Variants in IL1RAPL2 observed in about 807,000 individuals in gnomAD.
IL1RAPL2 encodes the protein X-linked interleukin-1 receptor accessory protein-like 2.
In IL1RAPL2, 3 loss-of-function variants were observed where a neutral mutation model predicts 44.1. That is an observed-to-expected ratio of 0.07 (90% CI 0.03 to 0.18). IL1RAPL2 has a LOEUF of 0.18. Among genes scored for constraint, IL1RAPL2 ranks in the 10% least tolerant of loss-of-function variants. The pLI is 1.00. For synonymous variants in IL1RAPL2, 181 were observed against 178.8 expected (o/e 1.01, Z -0.10); for missense variants, 391 against 496.4 (o/e 0.79, Z 2.02).
chrX:105,382,713 A>G (rs1170745043), intron 5 of IL1RAPL2, among the ~76,000 whole-genome samples: 1 of 103,067 alleles, frequency 9.7e-6, no homozygotes, highest in East Asian at 2.9e-4. Flanking sequence ...AAGACTTGGA[A>G]CCAACCCAAA....
intron 6 of IL1RAPL2, among the ~76,000 whole-genome samples, chrX:105,491,139 T>C (rs1602435955): frequency 8.9e-6 from 1 of 112,321 alleles, no homozygotes; most frequent in Non-Finnish European, 1.9e-5. Context: ...TGAAATAAAA[T>C]GAACAATCCA....
chrX:104,643,727 A>G (rs754435433), intron 1 of IL1RAPL2, among the ~76,000 whole-genome samples: 1 of 111,291 alleles, frequency 9.0e-6, no homozygotes, highest in Non-Finnish European at 1.9e-5. Flanking sequence ...TCTTTTGCCT[A>G]AGTGTAACTT....
chrX:105,432,061 T>G (rs1206595336), intron 5 of IL1RAPL2, among the ~76,000 whole-genome samples: 1 of 107,835 alleles, frequency 9.3e-6, no homozygotes, highest in East Asian at 3.0e-4. Context: ...CTTCTTGTTC[T>G]AAGATTTCAG....
chrX:105,013,293 A>C lies in IL1RAPL2; in HGVS notation c.83-182182A>C, dbSNP rs182073391. Among the ~76,000 whole-genome samples the C allele has an allele frequency of 3.1e-4, 34 of 110,799 alleles. No individual in the cohort carries two copies. In the East Asian group the frequency reaches 6.1e-3, roughly 20 times the overall value. Reference sequence around the variant, plus strand: ...GAGTGAGATCTCTGGCTTGAGTTCCATTCCTTTTGTGCTTCTAGCTATGCC... The same window carrying C: ...GAGTGAGATCTCTGGCTTGAGTTCCCTTCCTTTTGTGCTTCTAGCTATGCC... On this transcript the variant is annotated intron_variant, in intron 2 of 10. Transcript: ENST00000372582.
chrX:105,622,955 C>T (rs1484906564), intron 6 of IL1RAPL2, among the ~76,000 whole-genome samples: 2 of 110,975 alleles, frequency 1.8e-5, no homozygotes, highest in African/African-American at 6.5e-5. Context: ...TGTTTTAAAA[C>T]CTTCTGTCTT....
At position 105,714,155 on chromosome X, in the gene IL1RAPL2, C is replaced by T. The variant is rs1326806618; in HGVS notation, c.773-3212C>T. On this transcript the variant is annotated intron_variant, in intron 6 of 10. Coordinates refer to ENST00000372582, the MANE Select transcript of IL1RAPL2 (RefSeq NM_017416.2). ...GTTTTCAGTACCTTGTTTCTCATTT[C>T]TTTCTGATACCTCATCACAGTTGCC... 3.6e-5 allele frequency among the ~76,000 whole-genome samples: 4 copies of T among 111,669 alleles called. No individual in the cohort carries two copies. The Admixed American group carries it at 3.8e-4, about 11-fold the overall frequency.
In IL1RAPL2 at chrX:105,729,923, G is replaced by A. The variant is rs186987499; in HGVS notation, c.903-10623G>A. Among the ~76,000 whole-genome samples the A allele has an allele frequency of 7.1e-3, 238 of 33,751 alleles. 1 individual carries two copies. The highest frequency in any genetic ancestry group is 0.013 in the African/African-American group (125 of 9,736). 29.3% of individuals were successfully genotyped at this position (33,751 alleles called of 115,157 possible). ...AAGGAAGGAAGGAAGGAAGGAAGGA[G>A]GGAGGGAGGGAGGGAAGGAAGGAAG... On this transcript the variant is annotated intron_variant, in intron 7 of 10. Transcript: ENST00000372582.
rs140479162 is a variant in IL1RAPL2, at chrX:104,979,502, G to C, written c.83-215973G>C. ...CAAATATATAAAAGGGGAAATTCTG[G>C]GAAATATTTTGCAATACATGACAGA... On this transcript the variant is annotated intron_variant, in intron 2 of 10. Coordinates refer to ENST00000372582, the MANE Select transcript of IL1RAPL2 (RefSeq NM_017416.2). Among the ~76,000 whole-genome samples the C allele has an allele frequency of 5.8e-3, 641 of 111,083 alleles. 3 individuals carry two copies. Among genetic ancestry groups the C allele is most frequent in the African/African-American group, 0.02 (611 of 30,709 alleles).
chrX:105,036,815 G>C (rs2031637897), intron 2 of IL1RAPL2, among the ~76,000 whole-genome samples: 1 of 111,880 alleles, frequency 8.9e-6, no homozygotes, highest in Admixed American at 9.5e-5. Context: ...TGCTTTTGGA[G>C]ATATTGCAGC....
At chrX:105,678,693 G>A (rs2037895589) in intron 6 of IL1RAPL2, among the ~76,000 whole-genome samples, 1 of 110,587 alleles carries the variant, frequency 9.0e-6, no homozygotes, top group Non-Finnish European at 1.9e-5. Flanking sequence ...GGAGTCAATA[G>A]GGTAATAGCC....
chrX:104,991,170 T>C (rs189306067), intron 2 of IL1RAPL2, among the ~76,000 whole-genome samples: 325 of 111,715 alleles, frequency 2.9e-3, no homozygotes, highest in African/African-American at 0.01. Context: ...TTTTAGTCTT[T>C]AGACACACTA....
At chrX:104,605,216 C>T (rs1444905320) in intron 1 of IL1RAPL2, among the ~76,000 whole-genome samples, 1 of 111,659 alleles carries the variant, frequency 9.0e-6, no homozygotes, top group Non-Finnish European at 1.9e-5. Flanking sequence ...TCCTGAATGA[C>T]TACTGGGTAA....
chrX:104,646,916 G>A (rs1930052237), intron 1 of IL1RAPL2, among the ~76,000 whole-genome samples: 1 of 111,793 alleles, frequency 8.9e-6, no homozygotes, highest in Non-Finnish European at 1.9e-5. Context: ...TAAGTATTTT[G>A]AGAACAGAGT....
At chrX:105,605,726 G>A (rs1470032582) in intron 6 of IL1RAPL2, among the ~76,000 whole-genome samples, 1 of 111,576 alleles carries the variant, frequency 9.0e-6, no homozygotes, top group Non-Finnish European at 1.9e-5. Context: ...AACCAAAACA[G>A]CATGGTGCCA....
chrX:104,603,323 A>G (rs1011335208), intron 1 of IL1RAPL2, among the ~76,000 whole-genome samples: 3 of 111,853 alleles, frequency 2.7e-5, no homozygotes, highest in African/African-American at 9.7e-5. Flanking sequence ...GACCAAAGGT[A>G]GATAAATCCA....
At chrX:105,277,776 C>G (rs1269698740) in intron 5 of IL1RAPL2, among the ~76,000 whole-genome samples, 4 of 110,009 alleles carry the variant, frequency 3.6e-5, no homozygotes, top group African/African-American at 1.3e-4. Context: ...CTGCTTGTTC[C>G]TTCTAGAAAC....
intron 2 of IL1RAPL2, among the ~76,000 whole-genome samples, chrX:105,117,426 G>T (rs1400660464): frequency 8.9e-6 from 1 of 111,902 alleles, no homozygotes; most frequent in African/African-American, 3.3e-5. Context: ...CAAACAAGTT[G>T]CTTTCCCAGA....
intron 2 of IL1RAPL2, among the ~76,000 whole-genome samples, chrX:104,897,257 C>G (rs1194560379): frequency 8.9e-6 from 1 of 112,023 alleles, no homozygotes; most frequent in African/African-American, 3.2e-5. Context: ...TTCACACATG[C>G]TCCTGGAGCC....
chrX:105,598,654 TTTG>T (rs1192871754), intron 6 of IL1RAPL2, among the ~76,000 whole-genome samples: 5 of 111,433 alleles, frequency 4.5e-5, no homozygotes, highest in Non-Finnish European at 9.4e-5. Context: ...ATGAGTTGTT[TTTG>T]TTATTTTCTC....
Sources: allele counts gnomAD v4.1 joint callset (sites outside exome capture counted in the v4.1 genomes callset), GRCh38; gene constraint gnomAD v4.1.1; transcripts MANE v1.5; gene names NCBI Gene and HGNC (gene_info 2026-07-23, HGNC 2026-07-21).